The following KANSL1L variants were observed in gnomAD, a reference collection of about 807,000 sequenced individuals.
KANSL1L encodes the protein KAT8 regulatory NSL complex subunit 1-like protein.
KANSL1L carries 25 observed loss-of-function variants against 108.6 expected under a neutral mutation model. The observed-to-expected ratio is 0.23, with a 90% CI of 0.17 to 0.32. The LOEUF is 0.32. Ranked by LOEUF, KANSL1L falls within the 10% of genes least tolerant of loss-of-function variation. The pLI, the probability that KANSL1L is intolerant of heterozygous loss-of-function variation, is 1.00. For missense variants in KANSL1L, 1,137 were observed against 1,125.7 expected (o/e 1.01, Z -0.14); for synonymous variants, 405 against 395.1 (o/e 1.03, Z -0.30).
At chr2:210,142,560 G>A (rs1164229917) in intron 2 of KANSL1L, among the ~76,000 whole-genome samples, 1 of 151,934 alleles carries the variant, frequency 6.6e-6, no homozygotes, top group East Asian at 1.9e-4. Context: ...CTTCCTTGAA[G>A]TATAATGTTG....
rs1354933074 is a variant in KANSL1L, at chr2:210,022,500, T to C, written c.*449A>G. The C allele has an allele frequency of 2.4e-5, 4 of 163,674 alleles. No individual in the cohort carries two copies. The highest frequency in any genetic ancestry group is 9.6e-5 in the African/African-American group (4 of 41,466). The allele number at this position is 163,674 out of a possible 1,614,324, so 10.1% of individuals were successfully genotyped here. A position where few individuals can be genotyped will look rare whatever the true frequency, so the allele number is the denominator to read the frequency against. ...AGGGGTGTGTGTGTGTGTGTATGTT[T>C]ATTTTATACACACATATTTGTATAT... On this transcript the variant is annotated 3_prime_UTR_variant, in exon 15 of 15. Coordinates refer to ENST00000281772, the MANE Select transcript of KANSL1L (RefSeq NM_152519.4).
intron 6 of KANSL1L, among the ~76,000 whole-genome samples, chr2:210,058,228 G>C (rs1172533493): frequency 1.3e-5 from 2 of 152,108 alleles, no homozygotes; most frequent in African/African-American, 4.8e-5. Flanking sequence ...GGTCGAAGCT[G>C]TGGGGATGAA....
At chr2:210,029,700 T>C in intron 10 of KANSL1L, 103 bp downstream of exon 10, 4 of 556,670 alleles carry the variant, frequency 7.2e-6, no homozygotes, top group Non-Finnish European at 1.3e-5. Flanking sequence ...TGTTAATATG[T>C]GCTAGTAAGG....
intron 5 of KANSL1L, chr2:210,079,672 G>GTATATATA (rs1343715938): frequency 5.9e-4 from 15 of 25,522 alleles, no homozygotes; most frequent in South Asian, 1.7e-3. Flanking sequence ...ATATGTATGT[G>GTATATATA]TGTATATATA....
Position 210,022,878 on chromosome 2 carries a change from G to C in KANSL1L, c.*71C>G, listed in dbSNP as rs1052534306. On this transcript the variant is annotated 3_prime_UTR_variant, in exon 15 of 15. Transcript: ENST00000281772. Reference sequence around the variant, plus strand: ...CATGCTCTTATTCTGGAGGGGATGGGGGATCCAGAACAGGGCTTTATTTCC... The same window carrying C: ...CATGCTCTTATTCTGGAGGGGATGGCGGATCCAGAACAGGGCTTTATTTCC... The C allele has an allele frequency of 5.9e-6, 6 of 1,009,296 alleles. No homozygotes were observed. In the Admixed American group the frequency reaches 1.2e-4, roughly 20 times the overall value. 62.5% of individuals were successfully genotyped at this position (1,009,296 alleles called of 1,614,324 possible). A position where few individuals can be genotyped will look rare whatever the true frequency, so the allele number is the denominator to read the frequency against.
intron 6 of KANSL1L, among the ~76,000 whole-genome samples, chr2:210,067,770 T>G (rs2094477410): frequency 1.3e-5 from 2 of 151,570 alleles, no homozygotes; most frequent in African/African-American, 4.9e-5. Flanking sequence ...TTGCATTTCC[T>G]TGATAAGCAA....
At chr2:210,050,975 G>A (rs78262346) in intron 6 of KANSL1L, among the ~76,000 whole-genome samples, 16 of 152,122 alleles carry the variant, frequency 1.1e-4, no homozygotes, top group East Asian at 9.7e-4. Flanking sequence ...AAACTCCTGC[G>A]ACCAGCCCAA....
intron 8 of KANSL1L, chr2:210,033,068 A>T (rs373963822): frequency 2.3e-4 from 35 of 151,598 alleles, no homozygotes; most frequent in African/African-American, 7.9e-4. Context: ...TTGATGGAAC[A>T]GAGTGATAGA....
At chr2:210,038,277 A>C (rs1381423223) in intron 8 of KANSL1L, among the ~76,000 whole-genome samples, 2 of 152,016 alleles carry the variant, frequency 1.3e-5, no homozygotes, top group African/African-American at 4.8e-5. Flanking sequence ...CAGTCCAGTA[A>C]ACATTTATTG....
At chr2:210,058,067 C>G (rs181382757) in intron 6 of KANSL1L, among the ~76,000 whole-genome samples, 2 of 152,182 alleles carry the variant, frequency 1.3e-5, no homozygotes, top group Admixed American at 1.3e-4. Flanking sequence ...TGAGCCAAGG[C>G]GGAACAGAGC....
rs773521063 is a variant in KANSL1L at position 210,154,222 on chromosome 2, G to A, written c.361C>T (p.Leu121Phe). The A allele has an allele frequency of 5.5e-5, 88 of 1,613,880 alleles. No individual in the cohort carries two copies. Among genetic ancestry groups the A allele is most frequent in the Non-Finnish European group, 6.9e-5 (81 of 1,180,004 alleles). The change falls in exon 2 of 15, where the codon CTC becomes TTC. Residue 121 changes from leucine to phenylalanine, a missense_variant. Leu to Phe is a conservative substitution (Grantham distance 22). Coordinates refer to ENST00000281772, the MANE Select transcript of KANSL1L (RefSeq NM_152519.4). ...NILYNGSNIQLSKICLSHSEE... is the reference protein window; with the variant it reads ...NILYNGSNIQFSKICLSHSEE... ...GAATGAGAAAGACAGATTTTACTGA[G>A]CTGAATGTTGCTGCCATTATACAGT... is the stretch of plus-strand genomic sequence containing the variant.
At chr2:210,097,252 G>A (rs1452733043) in intron 5 of KANSL1L, 2 of 964,820 alleles carry the variant, frequency 2.1e-6, no homozygotes, top group Admixed American at 6.2e-5. Context: ...GAATTTGATG[G>A]CTACTTAGCA....
At chr2:210,081,731 C>T (rs1410474248) in intron 5 of KANSL1L, among the ~76,000 whole-genome samples, 1 of 152,086 alleles carries the variant, frequency 6.6e-6, no homozygotes. Context: ...TTTATCATTC[C>T]AGCCCTGGGT....
intron 8 of KANSL1L, chr2:210,032,358 A>G (rs2125143801): frequency 6.6e-6 from 1 of 152,346 alleles, no homozygotes; most frequent in East Asian, 1.9e-4. Flanking sequence ...CACATTTGCA[A>G]GCAAAAAGTG....
intron 6 of KANSL1L, among the ~76,000 whole-genome samples, chr2:210,062,765 A>G (rs2094432780): frequency 6.6e-6 from 1 of 152,220 alleles, no homozygotes; most frequent in South Asian, 2.1e-4. Context: ...TCTAAGCAGC[A>G]AAGTATTCAA....
At chr2:210,026,871 C>G (rs929384725) in intron 12 of KANSL1L, among the ~76,000 whole-genome samples, 1 of 152,024 alleles carries the variant, frequency 6.6e-6, no homozygotes, top group Non-Finnish European at 1.5e-5. Context: ...CCCGGGTTCA[C>G]GCTATTCTCC....
chr2:210,168,860 A>G (rs1382739318), intron 1 of KANSL1L, among the ~76,000 whole-genome samples: 2 of 152,158 alleles, frequency 1.3e-5, no homozygotes, highest in Non-Finnish European at 2.9e-5. Context: ...AAAAAGATAA[A>G]TATTAGCCCA....
chr2:210,126,645 G>A (rs536828264), intron 3 of KANSL1L, among the ~76,000 whole-genome samples: 15 of 152,132 alleles, frequency 9.9e-5, no homozygotes, highest in African/African-American at 2.6e-4. Flanking sequence ...GCAAAATCCC[G>A]TCTCTACTAA....
Position 210,029,939 on chromosome 2 carries a change from G to C in KANSL1L, c.2156-21C>G, listed in dbSNP as rs202199157. The C allele has an allele frequency of 1.2e-5, 15 of 1,219,472 alleles. No individual in the cohort carries two copies. In the East Asian group the frequency reaches 3.5e-4, roughly 29 times the overall value. The allele number at this position is 1,219,472 out of a possible 1,614,324, so 75.5% of individuals were successfully genotyped here. A position where few individuals can be genotyped will look rare whatever the true frequency, so the allele number is the denominator to read the frequency against. ...TTCTCCTGCCATGGAAAGAACCATT[G>C]AATGTTACACATTAAACAAGTCTAA... is the stretch of plus-strand genomic sequence containing the variant. On this transcript the variant is annotated intron_variant, in intron 9 of 14. Transcript: ENST00000281772.
Sources: gnomAD v4.1 joint callset for allele counts (sites outside exome capture counted in the v4.1 genomes callset) on GRCh38, gnomAD v4.1.1 for gene constraint, MANE v1.5 for transcripts, NCBI Gene and HGNC (gene_info 2026-07-23, HGNC 2026-07-21) for gene names.